CNOT6L: variants seen among roughly 807,000 people sequenced by gnomAD.
The protein encoded by CNOT6L is CCR4-NOT transcription complex subunit 6-like.
A neutral mutation model predicts 64.0 loss-of-function variants in CNOT6L; 7 were observed. The ratio of observed to expected loss-of-function variants is 0.11; its 90% CI spans 0.06 to 0.21. The LOEUF (loss-of-function observed/expected upper bound fraction) is 0.21. Among genes scored for constraint, CNOT6L ranks in the 10% least tolerant of loss-of-function variants. The probability of loss-of-function intolerance (pLI) is 1.00; values close to 1 mark genes in which losing one functional copy is unlikely to be tolerated. For missense variants in CNOT6L, 245 were observed against 669.0 expected, an observed-to-expected ratio of 0.37 and a Z score of 6.99; for synonymous variants, 193 against 243.4, an observed-to-expected ratio of 0.79 and a Z score of 1.93.
chr4:77,778,935 T>C (rs1446875966), intron 1 of CNOT6L, among the ~76,000 whole-genome samples: 1 of 150,742 alleles, frequency 6.6e-6, no homozygotes, highest in African/African-American at 2.4e-5. Context: ...TAGTCCCAGC[T>C]ACTCGGGAGG....
intron 4 of CNOT6L, among the ~76,000 whole-genome samples, chr4:77,772,697 CG>C (rs1365069207): frequency 3.3e-5 from 5 of 152,086 alleles, no homozygotes; most frequent in African/African-American, 1.2e-4. Context: ...CCGAGGCCGG[CG>C]GATCACGAGG....
intron 1 of CNOT6L, among the ~76,000 whole-genome samples, chr4:77,793,010 G>A (rs1302279613): frequency 6.6e-6 from 1 of 150,992 alleles, no homozygotes; most frequent in Admixed American, 6.7e-5. Context: ...ACAGAACTCA[G>A]GACAGCCCCC....
At chr4:77,792,279 T>C (rs1730243655) in intron 1 of CNOT6L, among the ~76,000 whole-genome samples, 1 of 152,082 alleles carries the variant, frequency 6.6e-6, no homozygotes, top group Admixed American at 6.6e-5. Flanking sequence ...CCTACATCCA[T>C]GGCAACTATA....
At chr4:77,767,114 TAAAA>T in intron 4 of CNOT6L, among the ~76,000 whole-genome samples, 1 of 122,008 alleles carries the variant, frequency 8.2e-6, no homozygotes, top group South Asian at 2.6e-4. Flanking sequence ...TGGTTTACAA[TAAAA>T]AAAAAAAAAG....
intron 4 of CNOT6L, among the ~76,000 whole-genome samples, chr4:77,757,249 T>C: frequency 6.6e-6 from 1 of 152,178 alleles, no homozygotes; most frequent in Non-Finnish European, 1.5e-5. Flanking sequence ...TCCTATAGGT[T>C]CTACATTAAT....
intron 4 of CNOT6L, among the ~76,000 whole-genome samples, chr4:77,767,717 A>G (rs1331768396): frequency 2.8e-5 from 4 of 141,894 alleles, no homozygotes; most frequent in Non-Finnish European, 6.2e-5. Flanking sequence ...AGTGGCTCAC[A>G]CCTGTAATCC....
At chr4:77,734,538 T>C (rs928250020) in intron 8 of CNOT6L, among the ~76,000 whole-genome samples, 3 of 152,296 alleles carry the variant, frequency 2.0e-5, no homozygotes, top group Admixed American at 2.0e-4. Context: ...AATGCCGTAA[T>C]GAACATTGCT....
At chr4:77,793,840 A>C (rs1034604633) in intron 1 of CNOT6L, among the ~76,000 whole-genome samples, 1 of 152,136 alleles carries the variant, frequency 6.6e-6, no homozygotes, top group Non-Finnish European at 1.5e-5. Context: ...TAAAAATTGT[A>C]AAACAATTTT....
chr4:77,797,686 G>A (rs1464605924), intron 1 of CNOT6L, among the ~76,000 whole-genome samples: 3 of 152,078 alleles, frequency 2.0e-5, no homozygotes, highest in Non-Finnish European at 4.4e-5. Context: ...GAAAAAAATC[G>A]TATAGTGAGG....
intron 1 of CNOT6L, among the ~76,000 whole-genome samples, chr4:77,785,923 G>C (rs1218898169): frequency 6.6e-6 from 1 of 152,146 alleles, no homozygotes; most frequent in African/African-American, 2.4e-5. Context: ...CTCAAGGAAG[G>C]GGGTTGTAGG....
chr4:77,813,635 T>A (rs940930020), intron 1 of CNOT6L, among the ~76,000 whole-genome samples: 2 of 152,152 alleles, frequency 1.3e-5, no homozygotes, highest in Admixed American at 6.5e-5. Flanking sequence ...AAAGAGGATA[T>A]ACAAATGTCC....
At chr4:77,756,662 T>C (rs558306986) in intron 5 of CNOT6L, among the ~76,000 whole-genome samples, 200 bp downstream of exon 5, 3 of 152,270 alleles carry the variant, frequency 2.0e-5, no homozygotes, top group African/African-American at 7.2e-5. Context: ...ATGCAACTAA[T>C]CTCCTAACAT....
At chr4:77,775,516 G>C (rs1432608608) in intron 2 of CNOT6L, among the ~76,000 whole-genome samples, 1 of 152,002 alleles carries the variant, frequency 6.6e-6, no homozygotes, top group Non-Finnish European at 1.5e-5. Flanking sequence ...CCTAACATTA[G>C]AATCTACATC....
rs1720633685 is a variant in CNOT6L at position 77,715,351 on chromosome 4, A to G, written c.*5080T>C. 6.6e-6 allele frequency: 1 copy of G among 152,116 alleles called. No individual in the cohort carries two copies. Among genetic ancestry groups the G allele is most frequent in the Non-Finnish European group, 1.5e-5 (1 of 68,022 alleles). The allele number at this position is 152,116 out of a possible 1,614,324, so 9.4% of individuals were successfully genotyped here. A position where few individuals can be genotyped will look rare whatever the true frequency, so the allele number is the denominator to read the frequency against. ...TGCTACTCAGTTTATACAATGTACC[A>G]TAAAAAAAAATTAACAATTAATAAG... On this transcript the variant is annotated 3_prime_UTR_variant, in exon 12 of 12. Transcript: ENST00000504123.
At chr4:77,804,708 C>T (rs999119970) in intron 1 of CNOT6L, among the ~76,000 whole-genome samples, 4 of 151,986 alleles carry the variant, frequency 2.6e-5, no homozygotes, top group Admixed American at 6.5e-5. Flanking sequence ...ACTGAATGTA[C>T]TAAAACCACT....
At chr4:77,734,201 C>A (rs1722722476) in intron 8 of CNOT6L, among the ~76,000 whole-genome samples, 1 of 152,056 alleles carries the variant, frequency 6.6e-6, no homozygotes, top group Non-Finnish European at 1.5e-5. Flanking sequence ...GTCAGTCCTG[C>A]ATTTATAGGT....
At chr4:77,806,799 TA>T (rs1732278179) in intron 1 of CNOT6L, among the ~76,000 whole-genome samples, 1 of 152,272 alleles carries the variant, frequency 6.6e-6, no homozygotes, top group African/African-American at 2.4e-5. Context: ...CCCTAGAAGT[TA>T]ACCAGAAATT....
chr4:77,806,648 T>C (rs1023428398), intron 1 of CNOT6L, among the ~76,000 whole-genome samples: 1 of 152,174 alleles, frequency 6.6e-6, no homozygotes, highest in East Asian at 1.9e-4. Flanking sequence ...AAGTTATGGA[T>C]TTAAAAAACA....
intron 1 of CNOT6L, among the ~76,000 whole-genome samples, chr4:77,777,393 T>C (rs1321344379): frequency 6.6e-6 from 1 of 152,210 alleles, no homozygotes. Context: ...CTTCCTGCTA[T>C]AACTGCCAAA....
Sources: gnomAD v4.1 joint callset for allele counts (sites outside exome capture counted in the v4.1 genomes callset) on GRCh38, gnomAD v4.1.1 for gene constraint, MANE v1.5 for transcripts, NCBI Gene and HGNC (gene_info 2026-07-23, HGNC 2026-07-21) for gene names.